VPS13B: variants seen among roughly 807,000 people sequenced by gnomAD.
VPS13B encodes the protein vacuolar protein sorting 13 homolog B.
In VPS13B, 285 loss-of-function variants were observed where a neutral mutation model predicts 426.4. The ratio of observed to expected loss-of-function variants is 0.67; its 90% CI spans 0.61 to 0.74. The LOEUF (loss-of-function observed/expected upper bound fraction) is 0.74, where lower values mean the gene tolerates loss of function less well. Ranked by LOEUF, VPS13B falls within the 30% of genes least tolerant of loss-of-function variation. VPS13B has a pLI of 0.00. For missense variants in VPS13B, 4,537 were observed against 4,782.6 expected (o/e 0.95, Z 1.51); for synonymous variants, 1,676 against 1,676.4 (o/e 1.00, Z 0.01).
intron 3 of VPS13B, among the ~76,000 whole-genome samples, chr8:99,067,787 A>G (rs918994126): frequency 2.0e-5 from 3 of 152,250 alleles, no homozygotes; most frequent in Admixed American, 1.3e-4. Context: ...CTCAGTTGGC[A>G]TCAAAAGTAT....
At chr8:99,625,311 A>G (rs1828563740) in intron 33 of VPS13B, among the ~76,000 whole-genome samples, 1 of 152,218 alleles carries the variant, frequency 6.6e-6, no homozygotes. Flanking sequence ...ACATGTGGTC[A>G]TTTATTTAAA....
chr8:99,095,957 A>G (rs1846392208), intron 3 of VPS13B, among the ~76,000 whole-genome samples: 1 of 152,098 alleles, frequency 6.6e-6, no homozygotes, highest in South Asian at 2.1e-4. Context: ...GAACCTTTTT[A>G]TTTATTTTGC....
chr8:99,831,307 G>A (rs55682512), intron 51 of VPS13B, among the ~76,000 whole-genome samples: 5,728 of 151,790 alleles, frequency 0.038, 331 homozygotes, highest in African/African-American at 0.13. Context: ...TCCTGACCTC[G>A]TGATCCACCT....
rs1191081378 is a variant in VPS13B, at chr8:99,351,732, A to G, written c.2825-32476A>G. Among the ~76,000 whole-genome samples, 8 of 152,298 alleles carry G rather than the reference A, an allele frequency of 5.3e-5. No individual in the cohort carries two copies. The South Asian group carries it at 6.2e-4, about 12-fold the overall frequency. ...CAAATATACATCTTACTTATACTACATGATATCATGTGTACTTGTTTAACT... is the reference window on the plus strand; with the variant it reads ...CAAATATACATCTTACTTATACTACGTGATATCATGTGTACTTGTTTAACT... On this transcript the variant is annotated intron_variant, in intron 19 of 61. Coordinates refer to ENST00000357162, the MANE Select transcript of VPS13B (RefSeq NM_152564.5).
At chr8:99,344,904 G>A (rs1280369317) in intron 19 of VPS13B, among the ~76,000 whole-genome samples, 2 of 151,982 alleles carry the variant, frequency 1.3e-5, no homozygotes, top group Non-Finnish European at 2.9e-5. Context: ...TTTGTGTTTT[G>A]TGTGGCTTGT....
Position 99,784,435 on chromosome 8 carries a change from C to G in VPS13B, c.7900C>G (p.His2634Asp), listed in dbSNP as rs1352803849. The change falls in exon 43 of 62, where the codon CAC becomes GAC. Residue 2634 changes from histidine (H) to aspartate (D), a missense_variant. His to Asp is a moderately conservative substitution (Grantham distance 81). Coordinates refer to ENST00000357162, the MANE Select transcript of VPS13B (RefSeq NM_152564.5). ...TGAAAATATTCTGCTGGCGAGTCTCCACAGTCACCAGTACAGCTGGCGCTC... is the reference window on the plus strand; with the variant it reads ...TGAAAATATTCTGCTGGCGAGTCTCGACAGTCACCAGTACAGCTGGCGCTC... The part of the protein sequence containing the change: ...TDENILLASL[H>D]SHQYSWRSHK... The G allele has an allele frequency of 6.2e-7, 1 of 1,613,698 alleles. No homozygotes were observed.
rs1453195589 is a variant in VPS13B, at chr8:99,705,638, G to A, written c.6454+5706G>A. ...GTATTGTTTTGTTTAACCAAATTAT[G>A]TAAATACAGTATTCTACATCTTTTA... On this transcript the variant is annotated intron_variant, in intron 36 of 61. Transcript: ENST00000357162. 2.0e-5 allele frequency among the ~76,000 whole-genome samples: 3 copies of A among 152,084 alleles called. No individual in the cohort carries two copies. The South Asian group carries it at 6.2e-4, about 32-fold the overall frequency.
chr8:99,470,831 A>T, intron 24 of VPS13B, among the ~76,000 whole-genome samples: 1 of 152,110 alleles, frequency 6.6e-6, no homozygotes, highest in East Asian at 1.9e-4. Flanking sequence ...AACCCAAAGT[A>T]ACAAACATTT....
chr8:99,596,777 G>A (rs941493954), intron 33 of VPS13B, among the ~76,000 whole-genome samples: 8 of 151,950 alleles, frequency 5.3e-5, no homozygotes, highest in Non-Finnish European at 1.2e-4. Flanking sequence ...CTGTATAATT[G>A]CAGAATAGAA....
At chr8:99,689,710 G>T (rs996401346) in intron 35 of VPS13B, among the ~76,000 whole-genome samples, 8 of 152,132 alleles carry the variant, frequency 5.3e-5, no homozygotes, top group Non-Finnish European at 1.0e-4. Context: ...GTTTTTTTCT[G>T]TGTCCCTGGG....
At chr8:99,463,421 T>G (rs1818939252) in intron 23 of VPS13B, among the ~76,000 whole-genome samples, 1 of 152,220 alleles carries the variant, frequency 6.6e-6, no homozygotes, top group Admixed American at 6.5e-5. Flanking sequence ...AATTATCTCT[T>G]AATACTATTA....
chr8:99,842,756 C>T (rs951273242), intron 54 of VPS13B, among the ~76,000 whole-genome samples: 7 of 151,978 alleles, frequency 4.6e-5, no homozygotes, highest in African/African-American at 1.5e-4. Flanking sequence ...CATAGAAAAG[C>T]AGAAGTTATA....
chr8:99,847,319 A>G (rs1816035063), intron 54 of VPS13B, among the ~76,000 whole-genome samples: 1 of 152,254 alleles, frequency 6.6e-6, no homozygotes, highest in South Asian at 2.1e-4. Flanking sequence ...GGTCAGACAC[A>G]TAAGTAACTG....
intron 12 of VPS13B, among the ~76,000 whole-genome samples, chr8:99,140,087 C>A (rs1438444590): frequency 6.6e-6 from 1 of 152,108 alleles, no homozygotes; most frequent in Admixed American, 6.5e-5. Flanking sequence ...AGAAACTAGG[C>A]TGAGCGTGGT....
chr8:99,303,624 G>A (rs1244344151), intron 19 of VPS13B, among the ~76,000 whole-genome samples: 2 of 147,194 alleles, frequency 1.4e-5, no homozygotes, highest in East Asian at 2.0e-4. Flanking sequence ...AGCTACTCCA[G>A]AGGCTAAGAC....
intron 22 of VPS13B, among the ~76,000 whole-genome samples, chr8:99,432,740 C>G (rs532967461): frequency 1.3e-5 from 2 of 152,180 alleles, no homozygotes; most frequent in East Asian, 1.9e-4. Context: ...ATATGTATTT[C>G]TTAGCAATGT....
At chr8:99,243,354 T>A (rs1817035876) in intron 17 of VPS13B, among the ~76,000 whole-genome samples, 1 of 152,174 alleles carries the variant, frequency 6.6e-6, no homozygotes, top group African/African-American at 2.4e-5. Flanking sequence ...TTAATTTTTC[T>A]ACCAGAGAAA....
At chr8:99,175,218 T>C (rs1469556215) in intron 16 of VPS13B, among the ~76,000 whole-genome samples, 1 of 152,212 alleles carries the variant, frequency 6.6e-6, no homozygotes, top group Non-Finnish European at 1.5e-5. Context: ...TGCAAGCTTT[T>C]CTAAAAACTT....
At chr8:99,402,682 C>G (rs1411685519) in intron 21 of VPS13B, among the ~76,000 whole-genome samples, 1 of 152,080 alleles carries the variant, frequency 6.6e-6, no homozygotes, top group Non-Finnish European at 1.5e-5. Context: ...ATAGCATCTT[C>G]AAATCTGCTG....
Sources: allele counts gnomAD v4.1 joint callset (sites outside exome capture counted in the v4.1 genomes callset), GRCh38; gene constraint gnomAD v4.1.1; transcripts MANE v1.5; gene names NCBI Gene and HGNC (gene_info 2026-07-23, HGNC 2026-07-21).